ZNF521: variants seen among roughly 807,000 people sequenced by gnomAD.
ZNF521 encodes LYST-interacting protein 3.
Under a neutral mutation model 105.5 loss-of-function variants are expected in ZNF521, and 14 were observed. That is an observed-to-expected ratio of 0.13 (90% confidence interval 0.09 to 0.21). ZNF521 has a LOEUF of 0.21. Ranked by LOEUF, ZNF521 falls within the 10% of genes least tolerant of loss-of-function variation. The pLI, the probability that ZNF521 is intolerant of heterozygous loss-of-function variation, is 1.00. For missense variants in ZNF521, 1,233 were observed against 1,629.7 expected, an observed-to-expected ratio of 0.76 and a Z score of 4.19; for synonymous variants, 635 against 606.0, an observed-to-expected ratio of 1.05 and a Z score of -0.70.
intron 5 of ZNF521, among the ~76,000 whole-genome samples, chr18:25,168,829 T>C (rs1644445641): frequency 6.6e-6 from 1 of 152,146 alleles, no homozygotes; most frequent in South Asian, 2.1e-4. Flanking sequence ...TAAGTGTGAG[T>C]AAACTGGGAA....
At chr18:25,166,173 C>T (rs1206969807) in intron 5 of ZNF521, among the ~76,000 whole-genome samples, 1 of 152,090 alleles carries the variant, frequency 6.6e-6, no homozygotes, top group African/African-American at 2.4e-5. Flanking sequence ...TCTGCTGTTC[C>T]ATCACATTCA....
At chr18:25,065,360 T>C (rs2033028139) in intron 7 of ZNF521, among the ~76,000 whole-genome samples, 1 of 152,176 alleles carries the variant, frequency 6.6e-6, no homozygotes, top group African/African-American at 2.4e-5. Context: ...TGATTCAATG[T>C]ACTGAAACTT....
At chr18:25,234,826 T>C (rs1328728067) in intron 3 of ZNF521, among the ~76,000 whole-genome samples, 2 of 152,070 alleles carry the variant, frequency 1.3e-5, no homozygotes, top group Non-Finnish European at 2.9e-5. Flanking sequence ...TAAAGGGCAT[T>C]TCTGTTTATA....
intron 3 of ZNF521, among the ~76,000 whole-genome samples, chr18:25,245,469 C>A (rs941877310): frequency 5.3e-5 from 8 of 152,164 alleles, no homozygotes; most frequent in Non-Finnish European, 8.8e-5. Flanking sequence ...AAGCTTCATG[C>A]GTTCACTTTG....
chr18:25,096,581 A>G (rs1443277886), intron 5 of ZNF521, among the ~76,000 whole-genome samples: 3 of 151,980 alleles, frequency 2.0e-5, no homozygotes, highest in Non-Finnish European at 4.4e-5. Context: ...TTTTCCTTCA[A>G]TAAAAACAAA....
chr18:25,100,632 AT>A (rs2033947778), intron 5 of ZNF521, among the ~76,000 whole-genome samples: 1 of 151,930 alleles, frequency 6.6e-6, no homozygotes, highest in Non-Finnish European at 1.5e-5. Context: ...AATGAGTCAC[AT>A]TTTTATTGTT....
At chr18:25,071,059 G>C (rs2033208733) in intron 7 of ZNF521, among the ~76,000 whole-genome samples, 1 of 152,090 alleles carries the variant, frequency 6.6e-6, no homozygotes, top group Non-Finnish European at 1.5e-5. Flanking sequence ...TAATTGTTTT[G>C]AATTTACTTT....
intron 4 of ZNF521, among the ~76,000 whole-genome samples, chr18:25,216,849 C>A (rs962236324): frequency 6.6e-6 from 1 of 152,152 alleles, no homozygotes; most frequent in Admixed American, 6.5e-5. Context: ...AGGCATCATG[C>A]CCGGCCGAGT....
At chr18:25,214,256 A>G (rs549445786) in intron 4 of ZNF521, among the ~76,000 whole-genome samples, 1 of 152,246 alleles carries the variant, frequency 6.6e-6, no homozygotes, top group Non-Finnish European at 1.5e-5. Flanking sequence ...TTCTTTTTAT[A>G]GTTATTTTGA....
At chr18:25,257,858 T>C (rs1908628865) in intron 3 of ZNF521, among the ~76,000 whole-genome samples, 1 of 152,176 alleles carries the variant, frequency 6.6e-6, no homozygotes, top group East Asian at 1.9e-4. Flanking sequence ...GCTCAACAAC[T>C]TTCTCATGTC....
intron 2 of ZNF521, among the ~76,000 whole-genome samples, chr18:25,342,453 G>A (rs767499826): frequency 2.0e-5 from 3 of 146,904 alleles, no homozygotes; most frequent in African/African-American, 5.1e-5. Context: ...ACAGAGTCTC[G>A]CTCTGTCGCC....
rs1026482459 is a variant in ZNF521 at position 25,133,799 on chromosome 18, C to CT, written c.3659-41719dup. Among the ~76,000 whole-genome samples the CT allele has an allele frequency of 8.0e-5, 12 of 150,508 alleles. No homozygotes were observed. The South Asian group carries it at 8.5e-4, about 11-fold the overall frequency. On this transcript the variant is annotated intron_variant, in intron 5 of 7. Coordinates refer to ENST00000361524, the MANE Select transcript of ZNF521 (RefSeq NM_015461.3). ...TTCAACATTCTATTACTTAGGGTCT[C>CT]TTTTTTTTTAATGTTTTAGTTAAAG...
rs548419453 is a variant in ZNF521 at position 25,113,814 on chromosome 18, G to A, written c.3659-21733C>T. On this transcript the variant is annotated intron_variant, in intron 5 of 7. Coordinates refer to ENST00000361524, the MANE Select transcript of ZNF521 (RefSeq NM_015461.3). ...CACACAGAGACGGGGGAGAGAGCAG[G>A]GCCTTACAGAAATCTTCTAGCCCCA... Among the ~76,000 whole-genome samples, 86 of 78,300 alleles carry A rather than the reference G, an allele frequency of 1.1e-3. 1 individual carries two copies. The highest frequency in any genetic ancestry group is 2.3e-4 in the Non-Finnish European group (8 of 34,862). The allele number at this position is 78,300 out of a possible 152,430, so 51.4% of individuals were successfully genotyped here. A position where few individuals can be genotyped will look rare whatever the true frequency, so the allele number is the denominator to read the frequency against.
At chr18:25,231,374 C>A (rs542748377) in intron 3 of ZNF521, 1 of 152,294 alleles carries the variant, frequency 6.6e-6, no homozygotes, top group Admixed American at 6.5e-5. Context: ...AACACCTGTT[C>A]AGGCATATTT....
intron 2 of ZNF521, among the ~76,000 whole-genome samples, chr18:25,337,587 T>C (rs1033270185): frequency 1.3e-5 from 2 of 152,208 alleles, no homozygotes; most frequent in African/African-American, 4.8e-5. Flanking sequence ...TAAATACCAG[T>C]TTGTTTTTTC....
chr18:25,117,129 T>A (rs956587467), intron 5 of ZNF521, among the ~76,000 whole-genome samples: 9 of 150,632 alleles, frequency 6.0e-5, no homozygotes, highest in Non-Finnish European at 1.0e-4. Flanking sequence ...CCTGCTCTTG[T>A]ATGGTTCAGA....
Position 25,269,238 on chromosome 18 carries a change from AC to A in ZNF521, c.221-41542del, listed in dbSNP as rs559541376. On this transcript the variant is annotated intron_variant, in intron 3 of 7. Transcript: ENST00000361524. ...GGAATCAATGCAACAAGAAGAGCTA[AC>A]TATCCGAAATAAATATGCACCCAAC... 2.6e-4 allele frequency among the ~76,000 whole-genome samples: 40 copies of A among 152,338 alleles called. 1 individual carries two copies. The East Asian group carries it at 7.1e-3, about 27-fold the overall frequency.
chr18:25,256,902 T>C (rs951722287), intron 3 of ZNF521, among the ~76,000 whole-genome samples: 1 of 152,096 alleles, frequency 6.6e-6, no homozygotes, highest in Non-Finnish European at 1.5e-5. Flanking sequence ...TTATTGAGCA[T>C]GCCATTGGAC....
At chr18:25,185,129 A>C (rs934966521) in intron 5 of ZNF521, among the ~76,000 whole-genome samples, 2 of 152,214 alleles carry the variant, frequency 1.3e-5, no homozygotes, top group Admixed American at 1.3e-4. Context: ...TCTATTTTAA[A>C]ATGAATTATT....
Sources: gnomAD v4.1 joint callset for allele counts (sites outside exome capture counted in the v4.1 genomes callset) on GRCh38, gnomAD v4.1.1 for gene constraint, MANE v1.5 for transcripts, NCBI Gene and HGNC (gene_info 2026-07-23, HGNC 2026-07-21) for gene names.